The following KIF13A variants were observed in gnomAD, a reference collection of about 807,000 sequenced individuals.
KIF13A encodes the protein kinesin-like protein KIF13A.
KIF13A carries 79 observed loss-of-function variants against 212.2 expected under a neutral mutation model. The observed-to-expected ratio is 0.37, with a 90% confidence interval of 0.31 to 0.45. KIF13A has a LOEUF of 0.45. Among genes scored for constraint, KIF13A ranks in the 20% least tolerant of loss-of-function variants. The pLI, the probability that KIF13A is intolerant of heterozygous loss-of-function variation, is 1.00. For missense variants in KIF13A, 1,901 were observed against 2,209.0 expected, an observed-to-expected ratio of 0.86 and a Z score of 2.79; for synonymous variants, 789 against 808.6, an observed-to-expected ratio of 0.98 and a Z score of 0.41.
Position 17,837,647 on chromosome 6 carries a change from C to T in KIF13A, c.831-64G>A. 8.9e-7 allele frequency: 1 copy of T among 1,127,806 alleles called. No individual in the cohort carries two copies. Among genetic ancestry groups the T allele is most frequent in the South Asian group, 1.4e-5 (1 of 73,808 alleles). The allele number at this position is 1,127,806 out of a possible 1,614,324, so 69.9% of individuals were successfully genotyped here. ...TTATTTGGTTTAAGTATAAAATATGCAGAACAATAAAGCTCCACAGTTAAT... is the reference window on the plus strand; with the variant it reads ...TTATTTGGTTTAAGTATAAAATATGTAGAACAATAAAGCTCCACAGTTAAT... On this transcript the variant is annotated intron_variant, in intron 9 of 38. Transcript: ENST00000259711. The surrounding 1 kb of genome is among the most constrained non-coding windows in gnomAD (Gnocchi z 5.4).
At chr6:17,845,566 A>G (rs1247958026) in intron 9 of KIF13A, among the ~76,000 whole-genome samples, 2 of 152,338 alleles carry the variant, frequency 1.3e-5, no homozygotes, top group African/African-American at 4.8e-5. Flanking sequence ...ACTAGCCATT[A>G]CTGAATAAAA....
downstream of KIF13A, chr6:17,760,951 G>C: frequency 6.7e-7 from 1 of 1,492,052 alleles, no homozygotes. Context: ...CCTACTCTCA[G>C]CCCAGTCCAC....
In KIF13A at chr6:17,809,898, G is replaced by A. The variant is rs543260721; in HGVS notation, c.2001-968C>T. Among the ~76,000 whole-genome samples, 13 of 152,288 alleles carry A rather than the reference G, an allele frequency of 8.5e-5. No individual in the cohort carries two copies. Among genetic ancestry groups the A allele is most frequent in the African/African-American group, 3.1e-4 (13 of 41,570 alleles). ...TTAGAAATGACAGAAGACGCATGCT[G>A]TGCGGATGCTAAGGTAAACAAAACA... On this transcript the variant is annotated intron_variant, in intron 17 of 38. Transcript: ENST00000259711. The surrounding 1 kb of genome is among the most constrained non-coding windows in gnomAD (Gnocchi z 4.7).
rs187595604 is a variant in KIF13A at position 17,958,808 on chromosome 6, T to A, written c.146+28246A>T. Among the ~76,000 whole-genome samples, 213 of 152,206 alleles carry A rather than the reference T, an allele frequency of 1.4e-3. 1 individual carries two copies. Among genetic ancestry groups the A allele is most frequent in the African/African-American group, 4.8e-3 (201 of 41,548 alleles). ...AAACTGATTTTCATCTACTACTTAT[T>A]CAATACATAAAAATCCAATTATAAA... On this transcript the variant is annotated intron_variant, in intron 2 of 38. Transcript: ENST00000259711.
Position 17,787,533 on chromosome 6 carries a change from C to T in KIF13A, c.3361+243G>A, listed in dbSNP as rs1761161445. ...AGGAGTGGTAGCTTGTGCCTGTGGT[C>T]TCAGCTACTCAGGAGGCTGAGGCAG... is the stretch of plus-strand genomic sequence containing the variant. On this transcript the variant is annotated intron_variant, in intron 27 of 38. Coordinates refer to ENST00000259711, the MANE Select transcript of KIF13A (RefSeq NM_022113.6). The surrounding 1 kb of genome is among the most constrained non-coding windows in gnomAD (Gnocchi z 4.6). Among the ~76,000 whole-genome samples the T allele has an allele frequency of 6.6e-6, 1 of 152,062 alleles. No homozygotes were observed. Among genetic ancestry groups the T allele is most frequent in the Non-Finnish European group, 1.5e-5 (1 of 68,038 alleles).
chr6:17,870,086 A>T (rs1229794786), intron 4 of KIF13A, among the ~76,000 whole-genome samples: 1 of 152,246 alleles, frequency 6.6e-6, no homozygotes, highest in Non-Finnish European at 1.5e-5. Context: ...TACTAGGCAG[A>T]TTATTTACAA....
At chr6:17,930,084 T>C (rs571453353) in intron 2 of KIF13A, among the ~76,000 whole-genome samples, 73 of 152,172 alleles carry the variant, frequency 4.8e-4, no homozygotes, top group Non-Finnish European at 6.8e-4. Context: ...TTGTGAAGTG[T>C]ATTATCCTTT....
In KIF13A at chr6:17,771,816, A is replaced by G. The variant is rs575516621; in HGVS notation, c.4476+92T>C. 2.4e-5 allele frequency: 29 copies of G among 1,222,018 alleles called. No homozygotes were observed. The highest frequency in any genetic ancestry group is 2.0e-4 in the Middle Eastern group (1 of 4,998). 75.7% of individuals were successfully genotyped at this position (1,222,018 alleles called of 1,614,324 possible). ...TGGAGTGATGACCGTGCATGTCCAC[A>G]TGCAGCACTCAGCTTGTTAATGCAC... is the stretch of plus-strand genomic sequence containing the variant. On this transcript the variant is annotated intron_variant, in intron 37 of 38. Coordinates refer to ENST00000259711, the MANE Select transcript of KIF13A (RefSeq NM_022113.6). The surrounding 1 kb of genome is among the most constrained non-coding windows in gnomAD (Gnocchi z 5.4).
Position 17,764,207 on chromosome 6 carries a change from G to A in KIF13A, c.5321C>T (p.Ser1774Phe). 10 of 1,614,034 alleles carry A rather than the reference G, an allele frequency of 6.2e-6. No individual in the cohort carries two copies. Among genetic ancestry groups the A allele is most frequent in the Non-Finnish European group, 8.5e-6 (10 of 1,179,900 alleles). ...CTGGCTGGGGTGGTGGAGCCCATCG[G>A]AGACAGTCTTGCCGCCTGTTTTATT... ...LPNKTGGKTV[S>F]DGLHHPSQLH... The change falls in exon 39 of 39, where the codon TCC becomes TTC. Residue 1774 changes from serine to phenylalanine, a missense_variant. By Grantham distance (155) the Ser-to-Phe change is radical. Coordinates refer to ENST00000259711, the MANE Select transcript of KIF13A (RefSeq NM_022113.6). This position sits in a 1 kb window ranked among gnomAD's most constrained non-coding sequence, Gnocchi z 5.1.
intron 25 of KIF13A, 120 bp from the exon 26 acceptor site, chr6:17,790,030 TA>T (rs1761399222): frequency 1.5e-6 from 1 of 682,850 alleles, no homozygotes; most frequent in African/African-American, 1.8e-5. Flanking sequence ...ATAAGCAAAA[TA>T]AAACACTAAA....
chr6:17,791,354 T>C (rs1214725984), intron 25 of KIF13A, among the ~76,000 whole-genome samples: 3 of 151,940 alleles, frequency 2.0e-5, no homozygotes, highest in Non-Finnish European at 4.4e-5. Context: ...TTTCAGCTAC[T>C]GCATGAGAAT....
At chr6:17,827,868 G>A (rs1360964570) in intron 14 of KIF13A, among the ~76,000 whole-genome samples, 1 of 152,128 alleles carries the variant, frequency 6.6e-6, no homozygotes, top group Non-Finnish European at 1.5e-5. Context: ...AGGTGGACAA[G>A]ATAACTAAAT....
intron 2 of KIF13A, among the ~76,000 whole-genome samples, chr6:17,976,599 C>T (rs1780523700): frequency 1.3e-5 from 2 of 152,140 alleles, no homozygotes; most frequent in South Asian, 4.1e-4. Flanking sequence ...CTGAGGGAGC[C>T]GGCTCTGGCC....
intron 16 of KIF13A, among the ~76,000 whole-genome samples, chr6:17,823,910 T>G (rs1429052704): frequency 2.1e-5 from 3 of 141,734 alleles, no homozygotes; most frequent in Admixed American, 1.5e-4. Flanking sequence ...GCGTTTAATT[T>G]AAATTTCTTT....
intron 4 of KIF13A, among the ~76,000 whole-genome samples, chr6:17,860,063 T>A (rs796302575): frequency 1.3e-5 from 2 of 152,182 alleles, no homozygotes; most frequent in Admixed American, 1.3e-4. Context: ...AGTGACTCCC[T>A]ACTGTCAAGG....
chr6:17,780,873 G>T lies in KIF13A; in HGVS notation c.3703C>A (p.His1235Asn). The T allele has an allele frequency of 6.2e-7, 1 of 1,613,866 alleles. No individual in the cohort carries two copies. The change falls in exon 31 of 39, where the codon CAT becomes AAT. Residue 1235 changes from histidine (H) to asparagine (N), a missense_variant. Physicochemically the swap from His to Asn is moderately conservative, Grantham distance 68 (BLOSUM62 1). Transcript: ENST00000259711. ...SATASWDSSVHDSVHLNRVTP... is the reference protein window; with the variant it reads ...SATASWDSSVNDSVHLNRVTP... ...ACCCTATTCAAGTGAACAGAATCAT[G>T]CACCGAGGAATCCCAAGAGGCTGTG... is the stretch of plus-strand genomic sequence containing the variant.
rs1309381231 is a variant in KIF13A at position 17,836,866 on chromosome 6, G to C, written c.1155+12C>G. 5 of 1,612,098 alleles carry C rather than the reference G, an allele frequency of 3.1e-6. No individual in the cohort carries two copies. Among genetic ancestry groups the C allele is most frequent in the East Asian group, 2.2e-5 (1 of 44,868 alleles). On this transcript the variant is annotated intron_variant, in intron 11 of 38. Transcript: ENST00000259711. ...GGAACTTTACCAGCAGGGAGTACCA[G>C]GCTGCTTTTACCTCTGCCTGAGAGA... is the stretch of plus-strand genomic sequence containing the variant.
chr6:17,848,479 A>G (rs969189631), intron 9 of KIF13A, among the ~76,000 whole-genome samples: 1 of 150,418 alleles, frequency 6.6e-6, no homozygotes, highest in African/African-American at 2.4e-5. Context: ...TTTAGCTTCC[A>G]CATATGTCAG....
rs1323823439 is a variant in KIF13A, at chr6:17,849,060, G to A, written c.830+317C>T. ...AGTCTCCCAAGTAGCTGGGGTTACC[G>A]GTGTGCGTGACCGTGCCTTTTTAGT... is the stretch of plus-strand genomic sequence containing the variant. On this transcript the variant is annotated intron_variant, in intron 9 of 38. Transcript: ENST00000259711. This position sits in a 1 kb window ranked among gnomAD's most constrained non-coding sequence, Gnocchi z 5.7. Among the ~76,000 whole-genome samples, 8 of 152,058 alleles carry A rather than the reference G, an allele frequency of 5.3e-5. No individual in the cohort carries two copies. Among genetic ancestry groups the A allele is most frequent in the Admixed American group, 5.2e-4 (8 of 15,260 alleles).
Sources: allele counts gnomAD v4.1 joint callset (sites outside exome capture counted in the v4.1 genomes callset), GRCh38; gene constraint gnomAD v4.1.1; non-coding constraint Gnocchi (gnomAD v3.1); transcripts MANE v1.5; gene names NCBI Gene and HGNC (gene_info 2026-07-23, HGNC 2026-07-21).